The following SOX6 variants were observed in gnomAD, a reference collection of about 807,000 sequenced individuals.
The protein encoded by SOX6 is SRY-box transcription factor 6, also known as transcription factor SOX-6.
SOX6 carries 11 observed loss-of-function variants against 97.8 expected under a neutral mutation model. The observed-to-expected ratio is 0.11, with a 90% CI of 0.07 to 0.19. The LOEUF (loss-of-function observed/expected upper bound fraction) is 0.19. Among genes scored for constraint, SOX6 ranks in the 10% least tolerant of loss-of-function variants. SOX6 has a pLI of 1.00. For missense variants in SOX6, 810 were observed against 1,039.5 expected, an observed-to-expected ratio of 0.78 and a Z score of 3.04; for synonymous variants, 360 against 371.4, an observed-to-expected ratio of 0.97 and a Z score of 0.35.
chr11:16,132,056 T>C (rs936305307), intron 6 of SOX6, among the ~76,000 whole-genome samples: 16 of 151,370 alleles, frequency 1.1e-4, no homozygotes, highest in African/African-American at 2.2e-4. Flanking sequence ...AGGAAAAAAA[T>C]TGTCCTATAA....
intron 3 of SOX6, among the ~76,000 whole-genome samples, chr11:16,270,827 G>A (rs1590080241): frequency 6.6e-6 from 1 of 151,540 alleles, no homozygotes; most frequent in East Asian, 1.9e-4. Context: ...TAGATTCATA[G>A]AGACAGAAAG....
chr11:16,102,289 A>G (rs533044887), intron 7 of SOX6, among the ~76,000 whole-genome samples: 6 of 152,074 alleles, frequency 3.9e-5, no homozygotes, highest in Non-Finnish European at 8.8e-5. Context: ...AATAGCTGCA[A>G]TAAAATAAAA....
intron 1 of SOX6, among the ~76,000 whole-genome samples, chr11:16,354,919 G>T (rs1857036122): frequency 1.3e-5 from 2 of 151,874 alleles, no homozygotes; most frequent in African/African-American, 4.8e-5. Context: ...TTCTAAATCA[G>T]GTCTAAAATC....
At chr11:16,310,723 A>G (rs915125108) in intron 3 of SOX6, among the ~76,000 whole-genome samples, 2 of 152,128 alleles carry the variant, frequency 1.3e-5, no homozygotes, top group African/African-American at 4.8e-5. Flanking sequence ...GAATACTTAA[A>G]GTGTTTCTTA....
In SOX6 at chr11:16,636,963, G is replaced by A. The variant is rs540199538; in HGVS notation, n.430-24703C>T. Among the ~76,000 whole-genome samples, 4 of 152,264 alleles carry A rather than the reference G, an allele frequency of 2.6e-5. No homozygotes were observed. In the South Asian group the frequency reaches 8.3e-4, roughly 32 times the overall value. ...TTATAAATTGCCCAGTCTTGGGTATGTCCCTATAGCAGCCTGAGAACAGAA... is the reference window on the plus strand; with the variant it reads ...TTATAAATTGCCCAGTCTTGGGTATATCCCTATAGCAGCCTGAGAACAGAA... On this transcript the variant is annotated intron_variant and non_coding_transcript_variant, in intron 3 of 5. Coordinates refer to the SOX6 transcript ENST00000524520.
chr11:16,350,040 A>C (rs979022687), intron 1 of SOX6, among the ~76,000 whole-genome samples: 1 of 152,170 alleles, frequency 6.6e-6, no homozygotes, highest in African/African-American at 2.4e-5. Context: ...TTAGCAAAAA[A>C]GGGGGAGGCA....
At chr11:16,459,199 T>C (rs575887566) in intron 1 of SOX6, among the ~76,000 whole-genome samples, 25 of 152,136 alleles carry the variant, frequency 1.6e-4, no homozygotes, top group African/African-American at 5.3e-4. Flanking sequence ...AGTATTAGAA[T>C]GGTATTGCAT....
At chr11:15,996,158 TATAAC>T (rs995351279) in intron 13 of SOX6, among the ~76,000 whole-genome samples, 27 of 152,278 alleles carry the variant, frequency 1.8e-4, no homozygotes, top group African/African-American at 5.1e-4. Flanking sequence ...TTGTGGGACT[TATAAC>T]ATATAAAAAG....
At chr11:16,321,497 G>C (rs1426187611) in intron 2 of SOX6, among the ~76,000 whole-genome samples, 1 of 151,920 alleles carries the variant, frequency 6.6e-6, no homozygotes, top group African/African-American at 2.4e-5. Context: ...TTTTCTATCA[G>C]GACTAATGCC....
intron 4 of SOX6, among the ~76,000 whole-genome samples, chr11:16,202,124 G>A (rs1162168249): frequency 1.3e-5 from 2 of 151,886 alleles, no homozygotes; most frequent in South Asian, 2.1e-4. Context: ...AAAAATGAGA[G>A]TATTAAAATA....
intron 1 of SOX6, among the ~76,000 whole-genome samples, chr11:16,444,994 T>C (rs938763941): frequency 6.6e-6 from 1 of 152,138 alleles, no homozygotes; most frequent in Non-Finnish European, 1.5e-5. Flanking sequence ...ATAGAAATCA[T>C]GCTCAATTTT....
At chr11:16,534,042 A>C (rs1487108905) in intron 4 of SOX6, among the ~76,000 whole-genome samples, 1 of 152,136 alleles carries the variant, frequency 6.6e-6, no homozygotes, top group Non-Finnish European at 1.5e-5. Flanking sequence ...ATCAAATCAG[A>C]ATCAATAACT....
chr11:16,011,254 A>G (rs1854716697), intron 13 of SOX6, among the ~76,000 whole-genome samples: 1 of 152,100 alleles, frequency 6.6e-6, no homozygotes, highest in Non-Finnish European at 1.5e-5. Context: ...TCTCTTCCTT[A>G]CATGTCCTAC....
chr11:16,326,846 G>A (rs1318724498), intron 2 of SOX6, among the ~76,000 whole-genome samples: 1 of 152,178 alleles, frequency 6.6e-6, no homozygotes, highest in African/African-American at 2.4e-5. Flanking sequence ...TTAAGTCAGT[G>A]GCTAAGGCCA....
intron 4 of SOX6, among the ~76,000 whole-genome samples, chr11:16,212,199 A>G (rs1342484386): frequency 6.6e-6 from 1 of 152,150 alleles, no homozygotes; most frequent in Admixed American, 6.5e-5. Context: ...ATAGTCTGAG[A>G]AAAGCTGTTA....
At chr11:16,703,602 AAAC>A (rs770616464) in intron 3 of SOX6, among the ~76,000 whole-genome samples, 1 of 152,168 alleles carries the variant, frequency 6.6e-6, no homozygotes, top group Non-Finnish European at 1.5e-5. Context: ...GAATGCTGTA[AAAC>A]AACAATATAC....
chr11:16,132,451 AGAAAGAAAGAAAGAAAG>A (rs1849830536), intron 6 of SOX6, among the ~76,000 whole-genome samples: 1 of 114,308 alleles, frequency 8.7e-6, no homozygotes, highest in Non-Finnish European at 1.8e-5. Flanking sequence ...GAAAAAAGAA[AGAAAGAAAGAAAGAAAG>A]AAAGAAAGAA....
chr11:16,022,331 T>TTTCCTTCCTTCCTTCCTTCCTTCCTTCC lies in SOX6; in HGVS notation c.1624-7309_1624-7282dup, dbSNP rs71044083. On this transcript the variant is annotated intron_variant, in intron 12 of 15. Coordinates refer to ENST00000683767, the MANE Select transcript of SOX6 (RefSeq NM_001367873.1). ...TTTTCCTTCCTTCCTTCCTTCCTTCTTTCCTTCCTTCCTTCCTTCCTTCCT... is the reference window on the plus strand; with the variant it reads ...TTTTCCTTCCTTCCTTCCTTCCTTCTTTCCTTCCTTCCTTCCTTCCTTCCTTCCTTCCTTCCTTCCTTCCTTCCTTCCT... Among the ~76,000 whole-genome samples, 64 of 113,840 alleles carry TTTCCTTCCTTCCTTCCTTCCTTCCTTCC rather than the reference T, an allele frequency of 5.6e-4. 1 individual carries two copies. Among genetic ancestry groups the TTTCCTTCCTTCCTTCCTTCCTTCCTTCC allele is most frequent in the African/African-American group, 9.4e-4 (26 of 27,584 alleles). 74.7% of individuals were successfully genotyped at this position (113,840 alleles called of 152,430 possible). A position where few individuals can be genotyped will look rare whatever the true frequency, so the allele number is the denominator to read the frequency against.
intron 2 of SOX6, among the ~76,000 whole-genome samples, chr11:16,733,315 T>C (rs184205082): frequency 1.1e-4 from 17 of 152,220 alleles, no homozygotes; most frequent in African/African-American, 4.1e-4. Flanking sequence ...TAGCAAAGAC[T>C]TGGAACCAAC....
Sources: allele counts gnomAD v4.1 joint callset (sites outside exome capture counted in the v4.1 genomes callset), GRCh38; gene constraint gnomAD v4.1.1; transcripts MANE v1.5; gene names NCBI Gene and HGNC (gene_info 2026-07-23, HGNC 2026-07-21).